Variants in DSCAM observed in about 807,000 individuals in gnomAD.
DSCAM encodes DS cell adhesion molecule.
A neutral mutation model predicts 217.7 loss-of-function variants in DSCAM; 47 were observed. The ratio of observed to expected loss-of-function variants is 0.22; its 90% CI spans 0.17 to 0.28. The LOEUF (loss-of-function observed/expected upper bound fraction) is 0.28, where lower values mean the gene tolerates loss of function less well. Ranked by LOEUF, DSCAM falls within the 10% of genes least tolerant of loss-of-function variation. The pLI is 1.00. For synonymous variants in DSCAM, 1,056 were observed against 1,015.3 expected (o/e 1.04, Z -0.76); for missense variants, 2,080 against 2,618.3 (o/e 0.79, Z 4.49).
intron 8 of DSCAM, among the ~76,000 whole-genome samples, chr21:40,329,612 C>A (rs2074353989): frequency 7.4e-6 from 1 of 135,172 alleles, no homozygotes; most frequent in Non-Finnish European, 1.6e-5. Flanking sequence ...GACTCCGTCT[C>A]TAAATAAATA....
intron 32 of DSCAM, among the ~76,000 whole-genome samples, chr21:40,018,933 A>C (rs2146416430): frequency 6.6e-6 from 1 of 152,348 alleles, no homozygotes; most frequent in African/African-American, 2.4e-5. Context: ...TGATTCTCTA[A>C]TTAGCTCCCT....
At chr21:40,483,413 T>C (rs140202708) in intron 3 of DSCAM, among the ~76,000 whole-genome samples, 3 of 152,326 alleles carry the variant, frequency 2.0e-5, no homozygotes, top group African/African-American at 7.2e-5. Context: ...ACGGGCAATA[T>C]ATTTATTTAA....
chr21:40,525,436 A>T (rs2076393141), intron 3 of DSCAM, among the ~76,000 whole-genome samples: 1 of 152,146 alleles, frequency 6.6e-6, no homozygotes, highest in Non-Finnish European at 1.5e-5. Flanking sequence ...AAGCAGCTAC[A>T]CCACGGGGGT....
chr21:40,809,608 G>A (rs530988241), intron 1 of DSCAM, among the ~76,000 whole-genome samples: 1 of 152,314 alleles, frequency 6.6e-6, no homozygotes, highest in South Asian at 2.1e-4. Flanking sequence ...CCTAGACCCT[G>A]CCCTGCCTTG....
At chr21:40,761,596 A>G (rs2091336071) in intron 1 of DSCAM, among the ~76,000 whole-genome samples, 1 of 152,214 alleles carries the variant, frequency 6.6e-6, no homozygotes, top group South Asian at 2.1e-4. Flanking sequence ...TGGAGCCTAC[A>G]GAACTGCAAG....
intron 3 of DSCAM, among the ~76,000 whole-genome samples, chr21:40,407,979 G>C (rs917179495): frequency 6.6e-6 from 1 of 152,166 alleles, no homozygotes; most frequent in African/African-American, 2.4e-5. Context: ...GCCCATCAAA[G>C]GAACTTAGCT....
intron 1 of DSCAM, among the ~76,000 whole-genome samples, chr21:40,738,605 T>C (rs145706327): frequency 6.6e-6 from 1 of 152,170 alleles, no homozygotes; most frequent in Non-Finnish European, 1.5e-5. Flanking sequence ...CCAGTGTTTT[T>C]CAAAGTGGAG....
chr21:40,601,982 CTT>C (rs1361839076), intron 3 of DSCAM, among the ~76,000 whole-genome samples: 2 of 146,056 alleles, frequency 1.4e-5, no homozygotes, highest in Non-Finnish European at 3.0e-5. Context: ...CTTGTGATGT[CTT>C]TATCTGTTTT....
chr21:40,817,294 AG>A (rs1461598521), intron 1 of DSCAM, among the ~76,000 whole-genome samples: 1 of 152,164 alleles, frequency 6.6e-6, no homozygotes, highest in Admixed American at 6.5e-5. Flanking sequence ...AAGGGAAGCA[AG>A]CTTAAGTGCA....
chr21:40,740,992 A>G (rs2091117808), intron 1 of DSCAM, among the ~76,000 whole-genome samples: 1 of 152,226 alleles, frequency 6.6e-6, no homozygotes, highest in African/African-American at 2.4e-5. Context: ...GGCATGCAGA[A>G]GGACAAAGGC....
At chr21:40,491,109 A>C (rs73226264) in intron 3 of DSCAM, among the ~76,000 whole-genome samples, 1,890 of 152,308 alleles carry the variant, frequency 0.012, 9 homozygotes, top group Non-Finnish European at 0.018. Flanking sequence ...ATCATAAAAG[A>C]AAGTGCAATT....
chr21:40,604,309 G>A (rs957348157), intron 3 of DSCAM, among the ~76,000 whole-genome samples: 1 of 151,898 alleles, frequency 6.6e-6, no homozygotes, highest in East Asian at 1.9e-4. Flanking sequence ...TTCCATTTCT[G>A]TGCTGACATT....
intron 3 of DSCAM, among the ~76,000 whole-genome samples, chr21:40,380,804 C>T (rs1180601614): frequency 1.3e-5 from 2 of 152,134 alleles, no homozygotes; most frequent in Admixed American, 1.3e-4. Context: ...TGGCTCGCGC[C>T]TGTAATCCCA....
At position 40,026,516 on chromosome 21, in the gene DSCAM, T is replaced by G. The variant is rs529836339; in HGVS notation, c.5687-13130A>C. 1.0e-4 allele frequency among the ~76,000 whole-genome samples: 14 copies of G among 137,876 alleles called. 1 individual carries two copies. Among genetic ancestry groups the G allele is most frequent in the Admixed American group, 1.5e-4 (2 of 13,198 alleles). The allele number at this position is 137,876 out of a possible 152,430, so 90.5% of individuals were successfully genotyped here. ...TAATGTGTGGGAGTCTAAGTCTCTTTGTAGGTCACTCAGGACTTGCTTTAT... is the reference window on the plus strand; with the variant it reads ...TAATGTGTGGGAGTCTAAGTCTCTTGGTAGGTCACTCAGGACTTGCTTTAT... On this transcript the variant is annotated intron_variant, in intron 32 of 32. Transcript: ENST00000400454.
chr21:40,207,521 A>G (rs2091138902), intron 11 of DSCAM, among the ~76,000 whole-genome samples: 2 of 152,216 alleles, frequency 1.3e-5, no homozygotes, highest in Non-Finnish European at 2.9e-5. Context: ...ATAAATGTGC[A>G]TAGTTTATGT....
chr21:40,559,784 G>GGCTTTTTTTTTTTTTTTT (rs1568904855), intron 3 of DSCAM, among the ~76,000 whole-genome samples: 1 of 105,572 alleles, frequency 9.5e-6, no homozygotes, highest in African/African-American at 3.3e-5. Flanking sequence ...AAAATTTTCT[G>GGCTTTTTTTTTTTTTTTT]TCTTTTTTTT....
intron 11 of DSCAM, among the ~76,000 whole-genome samples, chr21:40,224,250 C>A (rs1162961117): frequency 6.6e-6 from 1 of 152,094 alleles, no homozygotes; most frequent in Non-Finnish European, 1.5e-5. Flanking sequence ...AACACCAACA[C>A]TATTTCAAAC....
intron 3 of DSCAM, among the ~76,000 whole-genome samples, chr21:40,626,252 A>G (rs1488991195): frequency 1.3e-5 from 2 of 152,030 alleles, no homozygotes; most frequent in African/African-American, 4.8e-5. Context: ...CCATGTCAAC[A>G]CACCCATCAG....
At chr21:40,634,094 G>A (rs2089725159) in intron 3 of DSCAM, among the ~76,000 whole-genome samples, 1 of 152,150 alleles carries the variant, frequency 6.6e-6, no homozygotes. Flanking sequence ...CAATATAAAG[G>A]AATCTCAAAG....
Sources: gnomAD v4.1 joint callset for allele counts (sites outside exome capture counted in the v4.1 genomes callset) on GRCh38, gnomAD v4.1.1 for gene constraint, MANE v1.5 for transcripts, NCBI Gene and HGNC (gene_info 2026-07-23, HGNC 2026-07-21) for gene names.